UBR3: variants seen among roughly 807,000 people sequenced by gnomAD.
UBR3 encodes ubiquitin protein ligase E3 component n-recognin 3, also known as E3 ubiquitin-protein ligase UBR3.
Under a neutral mutation model 243.2 loss-of-function variants are expected in UBR3, and 85 were observed. That is an observed-to-expected ratio of 0.35 (90% CI 0.29 to 0.42). UBR3 has a LOEUF of 0.42. UBR3 is among the 10% of genes least tolerant of loss of function. The pLI is 1.00. For missense variants in UBR3, 1,686 were observed against 2,300.8 expected, an observed-to-expected ratio of 0.73 and a Z score of 5.47; for synonymous variants, 748 against 799.8, an observed-to-expected ratio of 0.94 and a Z score of 1.09.
chr2:169,985,016 TA>T (rs35605936), intron 24 of UBR3, among the ~76,000 whole-genome samples: 26 of 147,724 alleles, frequency 1.8e-4, no homozygotes, highest in East Asian at 3.9e-4. Flanking sequence ...CAAGACTTAT[TA>T]AAAAAAAAAA....
chr2:169,911,262 A>G (rs1221944587), intron 10 of UBR3, among the ~76,000 whole-genome samples: 1 of 152,164 alleles, frequency 6.6e-6, no homozygotes, highest in Non-Finnish European at 1.5e-5. Flanking sequence ...AATAAGCTGC[A>G]AAATCTTCAT....
intron 19 of UBR3, among the ~76,000 whole-genome samples, chr2:169,935,826 T>C (rs573839209): frequency 6.6e-6 from 1 of 152,338 alleles, no homozygotes; most frequent in East Asian, 1.9e-4. Context: ...ACTTGGGCCT[T>C]CAACAAATAT....
chr2:169,885,245 A>G (rs974669899), intron 5 of UBR3, among the ~76,000 whole-genome samples: 4 of 152,228 alleles, frequency 2.6e-5, no homozygotes, highest in African/African-American at 7.2e-5. Flanking sequence ...TAAATGGACA[A>G]TGACATTTTA....
At chr2:169,962,264 A>T (rs2087612858) in intron 24 of UBR3, among the ~76,000 whole-genome samples, 1 of 151,996 alleles carries the variant, frequency 6.6e-6, no homozygotes, top group South Asian at 2.1e-4. Context: ...TTTTTAATTA[A>T]AGAGACAAGG....
intron 1 of UBR3, among the ~76,000 whole-genome samples, chr2:169,830,160 C>T (rs1232404736): frequency 6.6e-6 from 1 of 150,798 alleles, no homozygotes; most frequent in Non-Finnish European, 1.5e-5. Flanking sequence ...GTGAATTTGC[C>T]ATTCTTGATT....
chr2:169,849,293 A>G (rs896490655), intron 1 of UBR3, among the ~76,000 whole-genome samples: 2 of 152,258 alleles, frequency 1.3e-5, no homozygotes, highest in African/African-American at 4.8e-5. Context: ...TTTTTCAATA[A>G]CTAACATATA....
rs2089774303 is a variant in UBR3 at position 170,003,104 on chromosome 2, C to T, written c.4029+1690C>T. ...ACCAAAATTCTATTGATTCTGCCTT[C>T]TAAATCTCACTTGACTATATTCTAC... On this transcript the variant is annotated intron_variant, in intron 27 of 38. Transcript: ENST00000272793. Among the ~76,000 whole-genome samples, 3 of 152,216 alleles carry T rather than the reference C, an allele frequency of 2.0e-5. No homozygotes were observed. The South Asian group carries it at 6.2e-4, about 32-fold the overall frequency.
intron 10 of UBR3, among the ~76,000 whole-genome samples, chr2:169,908,421 T>C (rs1414326841): frequency 1.3e-5 from 2 of 152,226 alleles, no homozygotes; most frequent in African/African-American, 4.8e-5. Flanking sequence ...ATAGTGTACC[T>C]TGTTTAATTT....
intron 23 of UBR3, among the ~76,000 whole-genome samples, chr2:169,951,279 C>G (rs1194231400): frequency 6.6e-6 from 1 of 152,112 alleles, no homozygotes; most frequent in Non-Finnish European, 1.5e-5. Flanking sequence ...GAGGTATTTT[C>G]TGGATAATTT....
At chr2:170,070,045 A>T (rs944848103) in intron 35 of UBR3, among the ~76,000 whole-genome samples, 4 of 152,148 alleles carry the variant, frequency 2.6e-5, no homozygotes, top group Admixed American at 6.5e-5. Flanking sequence ...GTACATGGAT[A>T]TGGAACTCCT....
chr2:169,948,786 A>T (rs761749008), intron 22 of UBR3, among the ~76,000 whole-genome samples: 7 of 152,044 alleles, frequency 4.6e-5, no homozygotes, highest in African/African-American at 7.2e-5. Flanking sequence ...CGCTTTTAAA[A>T]AATAAATTCA....
chr2:169,857,064 G>GTTTTTTGTTTTT, intron 1 of UBR3, among the ~76,000 whole-genome samples: 1 of 56,082 alleles, frequency 1.8e-5, no homozygotes, highest in Non-Finnish European at 3.2e-5. Context: ...ATTTTATTAT[G>GTTTTTTGTTTTT]TTTTTTTTTT....
chr2:169,884,665 C>T (rs1033316407), intron 5 of UBR3, among the ~76,000 whole-genome samples: 1 of 152,028 alleles, frequency 6.6e-6, no homozygotes, highest in Non-Finnish European at 1.5e-5. Context: ...TTTATTAGGA[C>T]TAATGGCCTA....
intron 11 of UBR3, among the ~76,000 whole-genome samples, chr2:169,923,395 T>A (rs12468028): frequency 0.27 from 40,671 of 151,916 alleles, 5,607 homozygotes; most frequent in East Asian, 0.42. Context: ...TTTTCTAAGT[T>A]TGAATTTTGC....
At chr2:169,946,494 C>A in intron 21 of UBR3, 102 bp downstream of exon 21, 1 of 476,670 alleles carries the variant, frequency 2.1e-6, no homozygotes, top group Non-Finnish European at 3.7e-6. Context: ...CTAGTTATGA[C>A]ATACCTTAGG....
intron 31 of UBR3, among the ~76,000 whole-genome samples, chr2:170,031,467 A>G (rs1337439128): frequency 2.0e-5 from 3 of 151,920 alleles, no homozygotes; most frequent in African/African-American, 7.2e-5. Flanking sequence ...GCATTCATCC[A>G]TGTTTTCTTC....
At chr2:169,865,431 A>AT (rs2083226590) in intron 1 of UBR3, among the ~76,000 whole-genome samples, 3 of 152,050 alleles carry the variant, frequency 2.0e-5, no homozygotes, top group Non-Finnish European at 2.9e-5. Flanking sequence ...CCAGAGTTTG[A>AT]TTTTTTTACT....
intron 36 of UBR3, among the ~76,000 whole-genome samples, chr2:170,073,816 AGTTT>A (rs2091750738): frequency 1.3e-5 from 2 of 152,332 alleles, no homozygotes; most frequent in East Asian, 1.9e-4. Flanking sequence ...CAATACTTTT[AGTTT>A]GTTTGGGGTC....
intron 22 of UBR3, 70 bp from the exon 23 acceptor site, chr2:169,949,532 GTAC>G: frequency 1.6e-6 from 2 of 1,279,844 alleles, no homozygotes; most frequent in South Asian, 3.2e-5. Context: ...AGAAAATATA[GTAC>G]TAATATGTTT....
Sources: allele counts gnomAD v4.1 joint callset (sites outside exome capture counted in the v4.1 genomes callset), GRCh38; gene constraint gnomAD v4.1.1; transcripts MANE v1.5; gene names NCBI Gene and HGNC (gene_info 2026-07-23, HGNC 2026-07-21).